NRXN3: variants seen among roughly 807,000 people sequenced by gnomAD.
The protein encoded by NRXN3 is neurexin 3, also known as neurexin III.
NRXN3 carries 32 observed loss-of-function variants against 137.6 expected under a neutral mutation model. The ratio of observed to expected loss-of-function variants is 0.23; its 90% CI spans 0.18 to 0.31. NRXN3 has a LOEUF of 0.31. NRXN3 is among the 10% of genes least tolerant of loss of function. The probability of loss-of-function intolerance (pLI) is 1.00; values close to 1 mark genes in which losing one functional copy is unlikely to be tolerated. For missense variants in NRXN3, 1,574 were observed against 2,062.5 expected (o/e 0.76, Z 4.59); for synonymous variants, 798 against 784.5 (o/e 1.02, Z -0.29).
chr14:79,209,619 A>G (rs886485511), intron 15 of NRXN3, among the ~76,000 whole-genome samples: 7 of 152,246 alleles, frequency 4.6e-5, no homozygotes, highest in Non-Finnish European at 1.0e-4. Flanking sequence ...TCTTGTTTTC[A>G]TAGCACTTAC....
At chr14:78,857,031 C>G (rs542679991) in intron 10 of NRXN3, among the ~76,000 whole-genome samples, 141 of 152,300 alleles carry the variant, frequency 9.3e-4, no homozygotes, top group Non-Finnish European at 1.6e-3. Context: ...CCACACCTGG[C>G]CTGTGCTGTA....
chr14:78,445,351 C>A (rs771445765), intron 4 of NRXN3, among the ~76,000 whole-genome samples: 2 of 152,188 alleles, frequency 1.3e-5, no homozygotes, highest in African/African-American at 4.8e-5. Context: ...AAGGTCCAAC[C>A]AGATGATATC....
At chr14:78,859,057 C>A (rs560611073) in intron 10 of NRXN3, among the ~76,000 whole-genome samples, 2 of 151,718 alleles carry the variant, frequency 1.3e-5, no homozygotes, top group South Asian at 4.1e-4. Flanking sequence ...AATTAAATCA[C>A]AGGGGGGCGG....
rs144939568 is a variant in NRXN3 at position 79,140,762 on chromosome 14, T to G, written c.3262+152621T>G. Among the ~76,000 whole-genome samples the G allele has an allele frequency of 2.0e-5, 3 of 152,302 alleles. No homozygotes were observed. In the East Asian group the frequency reaches 5.8e-4, roughly 29 times the overall value. On this transcript the variant is annotated intron_variant, in intron 15 of 20. Coordinates refer to ENST00000335750, the MANE Select transcript of NRXN3 (RefSeq NM_001330195.2). ...TTTACTTTTGGCCCTTTTCCTCTTT[T>G]AGGCCATTTCCTTCCTTTCCCTCTA...
intron 15 of NRXN3, among the ~76,000 whole-genome samples, chr14:79,078,169 T>C (rs1331440349): frequency 6.6e-6 from 1 of 152,116 alleles, no homozygotes; most frequent in Admixed American, 6.6e-5. Flanking sequence ...AATCACAGGA[T>C]CTCAGGGTAA....
intron 2 of NRXN3, among the ~76,000 whole-genome samples, chr14:78,264,254 T>C (rs2071311628): frequency 1.3e-5 from 2 of 152,268 alleles, no homozygotes; most frequent in African/African-American, 4.8e-5. Context: ...TGTGCCTTCC[T>C]CCTTCTAGCT....
At chr14:78,170,952 C>CTTTTTTTTTTTTTTTT (rs545853025) in intron 1 of NRXN3, among the ~76,000 whole-genome samples, 1 of 126,212 alleles carries the variant, frequency 7.9e-6, no homozygotes, top group Non-Finnish European at 1.6e-5. Flanking sequence ...TCTTCTTCTT[C>CTTTTTTTTTTTTTTTT]TTTTTTTTTT....
chr14:78,627,103 CTTCT>C (rs745912674), intron 4 of NRXN3, among the ~76,000 whole-genome samples: 2 of 102,060 alleles, frequency 2.0e-5, no homozygotes, highest in Non-Finnish European at 3.9e-5. Context: ...CCCTCCCTCC[CTTCT>C]CTCTCTCTCT....
chr14:78,991,209 T>C (rs1465488098), intron 15 of NRXN3, among the ~76,000 whole-genome samples: 1 of 152,182 alleles, frequency 6.6e-6, no homozygotes, highest in African/African-American at 2.4e-5. Flanking sequence ...GTGGGTCTTA[T>C]ATGGAAGAGC....
intron 4 of NRXN3, among the ~76,000 whole-genome samples, chr14:78,386,621 G>A (rs2153636484): frequency 6.6e-6 from 1 of 152,228 alleles, no homozygotes; most frequent in East Asian, 1.9e-4. Context: ...TTACTTTATG[G>A]ATGAACAAAC....
intron 16 of NRXN3, among the ~76,000 whole-genome samples, chr14:79,487,037 G>T (rs2096663914): frequency 6.6e-6 from 1 of 150,638 alleles, no homozygotes; most frequent in Admixed American, 6.6e-5. Flanking sequence ...AAGAGCAAAG[G>T]TTCTGCAGCC....
intron 8 of NRXN3, among the ~76,000 whole-genome samples, chr14:78,800,989 T>C (rs986371471): frequency 1.2e-4 from 18 of 152,178 alleles, no homozygotes; most frequent in Admixed American, 1.1e-3. Flanking sequence ...AAAAATTATA[T>C]GTCTGATGCT....
At chr14:79,704,782 T>C (rs2098770076) in intron 19 of NRXN3, among the ~76,000 whole-genome samples, 1 of 152,042 alleles carries the variant, frequency 6.6e-6, no homozygotes, top group African/African-American at 2.4e-5. Flanking sequence ...GGGAGAGAAA[T>C]TGCACTCTAA....
At chr14:78,494,058 C>T (rs1397088679) in intron 4 of NRXN3, among the ~76,000 whole-genome samples, 2 of 152,130 alleles carry the variant, frequency 1.3e-5, no homozygotes, top group Non-Finnish European at 2.9e-5. Flanking sequence ...TTGGTCCTAG[C>T]CATTTTAAAG....
At chr14:78,937,611 G>A (rs1007539848) in intron 10 of NRXN3, among the ~76,000 whole-genome samples, 1 of 152,116 alleles carries the variant, frequency 6.6e-6, no homozygotes, top group Non-Finnish European at 1.5e-5. Flanking sequence ...TTTTTAAAAA[G>A]AAATGCAGGA....
chr14:78,752,496 G>A (rs1184401906), intron 8 of NRXN3, among the ~76,000 whole-genome samples: 4 of 152,222 alleles, frequency 2.6e-5, no homozygotes, highest in Admixed American at 2.6e-4. Flanking sequence ...CAAGCATTGG[G>A]AGTAGAATGC....
At chr14:78,828,516 T>C (rs958589713) in intron 10 of NRXN3, among the ~76,000 whole-genome samples, 2 of 152,222 alleles carry the variant, frequency 1.3e-5, no homozygotes, top group Non-Finnish European at 2.9e-5. Flanking sequence ...AAAACAGCCA[T>C]AGACAATGTC....
chr14:79,504,639 T>A (rs185879413), intron 16 of NRXN3, among the ~76,000 whole-genome samples: 4,340 of 91,422 alleles, frequency 0.047, 327 homozygotes, highest in African/African-American at 0.085. Context: ...AAATGAAGTT[T>A]TTTATATATA....
At chr14:79,183,015 C>T (rs1420860973) in intron 15 of NRXN3, among the ~76,000 whole-genome samples, 1 of 152,044 alleles carries the variant, frequency 6.6e-6, no homozygotes, top group Non-Finnish European at 1.5e-5. Flanking sequence ...AGAAATATTG[C>T]TATAAAATCA....
Sources: gnomAD v4.1 joint callset for allele counts (sites outside exome capture counted in the v4.1 genomes callset) on GRCh38, gnomAD v4.1.1 for gene constraint, MANE v1.5 for transcripts, NCBI Gene and HGNC (gene_info 2026-07-23, HGNC 2026-07-21) for gene names.